The following ERN1 variants were observed in gnomAD, a reference collection of about 807,000 sequenced individuals.
ERN1 encodes the protein endoplasmic reticulum to nucleus signaling 1.
ERN1 carries 39 observed loss-of-function variants against 113.1 expected under a neutral mutation model. The observed-to-expected ratio is 0.34, with a 90% CI of 0.27 to 0.45. The LOEUF (loss-of-function observed/expected upper bound fraction) is 0.45. Ranked by LOEUF, ERN1 falls within the 20% of genes least tolerant of loss-of-function variation. The pLI is 1.00. For synonymous variants in ERN1, 507 were observed against 515.9 expected (o/e 0.98, Z 0.23); for missense variants, 976 against 1,274.8 (o/e 0.77, Z 3.57).
In ERN1 at chr17:64,066,793, C is replaced by T; in HGVS notation, c.720G>A (p.Val240=). 6.2e-7 allele frequency: 1 copy of T among 1,613,972 alleles called. No individual in the cohort carries two copies. The highest frequency in any genetic ancestry group is 8.5e-7 in the Non-Finnish European group (1 of 1,179,880). Residue 240 remains valine (V), a synonymous_variant, in exon 8 of 22, where the codon GTG becomes GTA. Coordinates refer to ENST00000433197, the MANE Select transcript of ERN1 (RefSeq NM_001433.5). Reference sequence around the variant, plus strand: ...TCTCCACAGCGACATTGATGTGCATCACCTTCCTCAGACCCTCCCGCTGCC... The same window carrying T: ...TCTCCACAGCGACATTGATGTGCATTACCTTCCTCAGACCCTCCCGCTGCC... ...YVWQREGLRK[V]MHINVAVETL... is the part of the protein sequence containing the mutation.
At chr17:64,074,990 C>T (rs1913541485) in intron 5 of ERN1, 185 bp downstream of exon 5, 1 of 590,972 alleles carries the variant, frequency 1.7e-6, no homozygotes, top group South Asian at 2.1e-5. Context: ...CAATTCTTCT[C>T]CCAAGTTGGG....
At chr17:64,124,645 C>G (rs759192151) in intron 1 of ERN1, among the ~76,000 whole-genome samples, 3 of 152,166 alleles carry the variant, frequency 2.0e-5, no homozygotes, top group Non-Finnish European at 4.4e-5. Flanking sequence ...TCCCCAGCCA[C>G]GTGGAACTGT....
chr17:64,114,102 G>C (rs1567886150), intron 1 of ERN1, among the ~76,000 whole-genome samples: 1 of 149,840 alleles, frequency 6.7e-6, no homozygotes. Flanking sequence ...TTTGCAAGGA[G>C]TGTTGAGTCA....
chr17:64,115,518 A>G (rs1274921796), intron 1 of ERN1, among the ~76,000 whole-genome samples: 2 of 152,234 alleles, frequency 1.3e-5, no homozygotes, highest in African/African-American at 4.8e-5. Flanking sequence ...ACTTGGCAGC[A>G]TATCCAGGTC....
In ERN1 at chr17:64,045,444, G is replaced by T; in HGVS notation, c.2568C>A (p.Gly856=). Reference sequence around the variant, plus strand: ...CTCTCTCTAACTGCTTCACGATCGGGCCATCCAGGGATTCCTTTTCTATTC... The same window carrying T: ...CTCTCTCTAACTGCTTCACGATCGGTCCATCCAGGGATTCCTTTTCTATTC... ...SDRIEKESLD[G]PIVKQLERGG... Residue 856 remains glycine (G), a synonymous_variant, in exon 20 of 22, where the codon GGC becomes GGA. Transcript: ENST00000433197. 1 of 1,613,938 alleles carries T rather than the reference G, an allele frequency of 6.2e-7. No individual in the cohort carries two copies. Among genetic ancestry groups the T allele is most frequent in the Non-Finnish European group, 8.5e-7 (1 of 1,179,864 alleles).
At chr17:64,078,347 T>C (rs1193678552) in intron 4 of ERN1, among the ~76,000 whole-genome samples, 2 of 152,244 alleles carry the variant, frequency 1.3e-5, no homozygotes, top group African/African-American at 4.8e-5. Flanking sequence ...TCCATTGGGC[T>C]GTCTTTTTTT....
chr17:64,093,384 GC>G (rs1161320807), intron 2 of ERN1, among the ~76,000 whole-genome samples: 1 of 152,136 alleles, frequency 6.6e-6, no homozygotes, highest in Non-Finnish European at 1.5e-5. Context: ...TTTCTTCCTG[GC>G]CCCATCTGTT....
At chr17:64,053,006 A>G (rs372731237) in intron 16 of ERN1, 27 bp from the exon 17 acceptor site, 95 of 1,544,922 alleles carry the variant, frequency 6.1e-5, no homozygotes, top group Non-Finnish European at 7.0e-5. Context: ...GATTAGTCCA[A>G]TGCTTACCAG....
intron 1 of ERN1, among the ~76,000 whole-genome samples, chr17:64,118,789 A>T (rs1312854282): frequency 6.6e-6 from 1 of 151,874 alleles, no homozygotes; most frequent in Non-Finnish European, 1.5e-5. Context: ...TGCTATAAAA[A>T]CCCTTCGAGG....
intron 2 of ERN1, among the ~76,000 whole-genome samples, chr17:64,083,508 A>G (rs75987378): frequency 0.02 from 3,041 of 152,292 alleles, 65 homozygotes; most frequent in Middle Eastern, 0.024. Context: ...ATAAGAATAA[A>G]AGCCAATGTC....
In ERN1 at chr17:64,066,662, C is replaced by T. The variant is rs1747799211; in HGVS notation, c.842+9G>A. On this transcript the variant is annotated intron_variant, in intron 8 of 21. Coordinates refer to ENST00000433197, the MANE Select transcript of ERN1 (RefSeq NM_001433.5). ...GGCCGCCCTCTCCTTCCCCGAGCTC[C>T]CAACTCACGTCAGCTTGCTCTTGGC... is the stretch of plus-strand genomic sequence containing the variant. 1.2e-6 allele frequency: 2 copies of T among 1,612,664 alleles called. No homozygotes were observed. The highest frequency in any genetic ancestry group is 8.5e-7 in the Non-Finnish European group (1 of 1,178,832).
chr17:64,057,234 T>G (rs1445350409), intron 12 of ERN1, among the ~76,000 whole-genome samples: 1 of 152,226 alleles, frequency 6.6e-6, no homozygotes, highest in African/African-American at 2.4e-5. Flanking sequence ...AAAATCATCT[T>G]TGAGCAAGGC....
chr17:64,129,965 C>G lies in ERN1; in HGVS notation c.54+11G>C. 7 of 1,445,804 alleles carry G rather than the reference C, an allele frequency of 4.8e-6. No individual in the cohort carries two copies. Among genetic ancestry groups the G allele is most frequent in the Non-Finnish European group, 5.4e-6 (6 of 1,105,324 alleles). 89.6% of individuals were successfully genotyped at this position (1,445,804 alleles called of 1,614,324 possible). A position where few individuals can be genotyped will look rare whatever the true frequency, so the allele number is the denominator to read the frequency against. ...GAGCTGTCCTCCACCCCACGCTCCC[C>G]GGTCACTCACCCCGAGGCCGGGCAG... On this transcript the variant is annotated intron_variant, in intron 1 of 21. Coordinates refer to ENST00000433197, the MANE Select transcript of ERN1 (RefSeq NM_001433.5).
intron 1 of ERN1, among the ~76,000 whole-genome samples, chr17:64,101,673 A>T (rs73992927): frequency 0.028 from 4,250 of 152,236 alleles, 207 homozygotes; most frequent in African/African-American, 0.097. Context: ...ACCACCTTTG[A>T]TCATTAATCT....
At chr17:64,104,153 G>A (rs1914459115) in intron 1 of ERN1, among the ~76,000 whole-genome samples, 1 of 152,158 alleles carries the variant, frequency 6.6e-6, no homozygotes, top group African/African-American at 2.4e-5. Context: ...AAGGAGGGAG[G>A]ATTGCTTGAG....
intron 1 of ERN1, among the ~76,000 whole-genome samples, chr17:64,098,913 C>G (rs185458526): frequency 1.3e-5 from 2 of 152,080 alleles, no homozygotes; most frequent in Non-Finnish European, 2.9e-5. Flanking sequence ...GTGACATTTC[C>G]CATCCATTGC....
intron 2 of ERN1, among the ~76,000 whole-genome samples, chr17:64,089,780 AG>A (rs1914038657): frequency 1.3e-5 from 2 of 152,214 alleles, no homozygotes; most frequent in African/African-American, 4.8e-5. Context: ...AGTGGGAGAA[AG>A]GAACGATTTA....
chr17:64,117,605 G>A (rs937578817), intron 1 of ERN1, among the ~76,000 whole-genome samples: 2 of 152,080 alleles, frequency 1.3e-5, no homozygotes, highest in East Asian at 1.9e-4. Flanking sequence ...AAACAAACAG[G>A]AGCACCAACC....
chr17:64,046,793 C>T (rs893587013), intron 19 of ERN1, among the ~76,000 whole-genome samples: 1 of 152,190 alleles, frequency 6.6e-6, no homozygotes, highest in Non-Finnish European at 1.5e-5. Context: ...CTGCCTGGAC[C>T]CAAGGGGAAA....
Sources: allele counts gnomAD v4.1 joint callset (sites outside exome capture counted in the v4.1 genomes callset), GRCh38; gene constraint gnomAD v4.1.1; transcripts MANE v1.5; gene names NCBI Gene and HGNC (gene_info 2026-07-23, HGNC 2026-07-21).